The following GALNTL6 variants were observed in gnomAD, a reference collection of about 807,000 sequenced individuals.
GALNTL6 encodes the protein polypeptide N-acetylgalactosaminyltransferase-like 6.
Under a neutral mutation model 73.7 loss-of-function variants are expected in GALNTL6, and 46 were observed. That is an observed-to-expected ratio of 0.62 (90% CI 0.49 to 0.80). The LOEUF (loss-of-function observed/expected upper bound fraction) is 0.80. Ranked by LOEUF, GALNTL6 falls within the 30% of genes least tolerant of loss-of-function variation. The probability of loss-of-function intolerance (pLI) is 0.00; values close to 1 mark genes in which losing one functional copy is unlikely to be tolerated. For missense variants in GALNTL6, 604 were observed against 755.0 expected (o/e 0.80, Z 2.34); for synonymous variants, 259 against 263.7 (o/e 0.98, Z 0.17).
At chr4:172,907,809 A>T (rs1176020879) in intron 8 of GALNTL6, among the ~76,000 whole-genome samples, 1 of 152,102 alleles carries the variant, frequency 6.6e-6, no homozygotes, top group Non-Finnish European at 1.5e-5. Context: ...GCACAATTTC[A>T]TGGGTAGATT....
At chr4:171,942,445 T>C (rs182922126) in intron 2 of GALNTL6, among the ~76,000 whole-genome samples, 47 of 152,250 alleles carry the variant, frequency 3.1e-4, no homozygotes, top group Admixed American at 9.8e-4. Flanking sequence ...CTTTCCATGA[T>C]AGGTCTTATT....
chr4:172,795,369 C>T (rs1468021187), intron 5 of GALNTL6, among the ~76,000 whole-genome samples: 1 of 151,984 alleles, frequency 6.6e-6, no homozygotes, highest in Non-Finnish European at 1.5e-5. Flanking sequence ...AAGAGAGGTG[C>T]TTATGGGCTT....
chr4:172,167,813 G>T, intron 2 of GALNTL6, among the ~76,000 whole-genome samples: 1 of 143,328 alleles, frequency 7.0e-6, no homozygotes, highest in East Asian at 2.0e-4. Context: ...AAAAAAATTA[G>T]CCGGGCGCGG....
intron 2 of GALNTL6, among the ~76,000 whole-genome samples, chr4:172,214,071 A>G (rs1204783197): frequency 6.6e-6 from 1 of 152,066 alleles, no homozygotes; most frequent in African/African-American, 2.4e-5. Context: ...TTCTCCACTG[A>G]CTTGTCTTTG....
intron 2 of GALNTL6, among the ~76,000 whole-genome samples, chr4:172,038,581 A>G (rs1200442369): frequency 2.6e-5 from 4 of 152,194 alleles, no homozygotes; most frequent in Admixed American, 2.6e-4. Flanking sequence ...TCTTTAGTCC[A>G]CAAATTAATA....
chr4:172,234,230 C>T (rs1737167539), intron 3 of GALNTL6, among the ~76,000 whole-genome samples: 1 of 151,942 alleles, frequency 6.6e-6, no homozygotes, highest in East Asian at 1.9e-4. Flanking sequence ...CTATTCTAGA[C>T]CCTATAATTT....
intron 3 of GALNTL6, among the ~76,000 whole-genome samples, chr4:172,261,924 G>A (rs1326557218): frequency 6.6e-6 from 1 of 151,016 alleles, no homozygotes; most frequent in African/African-American, 2.4e-5. Flanking sequence ...CTGCTGTTAT[G>A]TATTTCTTGT....
intron 7 of GALNTL6, among the ~76,000 whole-genome samples, chr4:172,853,716 A>T (rs756821560): frequency 5.9e-5 from 9 of 152,216 alleles, no homozygotes; most frequent in Non-Finnish European, 1.5e-5. Flanking sequence ...CACTGAGGTA[A>T]CATATTTGTA....
intron 3 of GALNTL6, among the ~76,000 whole-genome samples, chr4:172,270,989 C>T (rs1352149669): frequency 6.6e-6 from 1 of 152,024 alleles, no homozygotes; most frequent in Non-Finnish European, 1.5e-5. Flanking sequence ...CTCTACACTA[C>T]TAATATAGAT....
At chr4:172,244,430 T>A (rs1259343165) in intron 3 of GALNTL6, among the ~76,000 whole-genome samples, 1 of 152,174 alleles carries the variant, frequency 6.6e-6, no homozygotes, top group Non-Finnish European at 1.5e-5. Context: ...TAATGCCAGC[T>A]TTTAAACAGA....
intron 5 of GALNTL6, among the ~76,000 whole-genome samples, chr4:172,699,476 G>T (rs998865354): frequency 6.6e-6 from 1 of 152,114 alleles, no homozygotes; most frequent in African/African-American, 2.4e-5. Context: ...GAAGAGAAAT[G>T]AGTTTATTTT....
intron 10 of GALNTL6, among the ~76,000 whole-genome samples, chr4:172,969,430 T>C (rs891192339): frequency 2.6e-5 from 4 of 152,140 alleles, no homozygotes; most frequent in African/African-American, 9.7e-5. Context: ...AAAACTATAA[T>C]TCAAAGAAAC....
intron 8 of GALNTL6, among the ~76,000 whole-genome samples, chr4:172,921,631 C>G (rs985890498): frequency 1.9e-4 from 29 of 151,904 alleles, no homozygotes; most frequent in African/African-American, 6.8e-4. Context: ...CCTGTCTCTA[C>G]TAAAAATACA....
chr4:172,356,353 A>C (rs749792831), intron 5 of GALNTL6, among the ~76,000 whole-genome samples: 1 of 152,186 alleles, frequency 6.6e-6, no homozygotes, highest in Admixed American at 6.5e-5. Flanking sequence ...AGCAAACCTC[A>C]GCATGTGAGC....
chr4:172,235,580 A>T lies in GALNTL6; in HGVS notation c.247+5816A>T, dbSNP rs557166693. ...TGTTCATCTATTTTATTTTTCTCTA[A>T]TTTTTTTCTAACTTTTTAAAAATTT... is the stretch of plus-strand genomic sequence containing the variant. On this transcript the variant is annotated intron_variant, in intron 3 of 12. Coordinates refer to ENST00000506823, the MANE Select transcript of GALNTL6 (RefSeq NM_001034845.3). Among the ~76,000 whole-genome samples, 490 of 151,584 alleles carry T rather than the reference A, an allele frequency of 3.2e-3. 2 individuals carry two copies. Among genetic ancestry groups the T allele is most frequent in the African/African-American group, 0.011 (466 of 41,328 alleles).
chr4:172,592,712 C>CTATCTATG (rs1484288566), intron 5 of GALNTL6, among the ~76,000 whole-genome samples: 3 of 151,884 alleles, frequency 2.0e-5, no homozygotes, highest in Non-Finnish European at 1.5e-5. Flanking sequence ...ATCTATCTAT[C>CTATCTATG]TATCGAGAGA....
At chr4:171,821,395 G>A (rs1421140907) in intron 2 of GALNTL6, among the ~76,000 whole-genome samples, 1 of 151,896 alleles carries the variant, frequency 6.6e-6, no homozygotes, top group Non-Finnish European at 1.5e-5. Context: ...TTGAACTTAA[G>A]GAGAAATATC....
intron 5 of GALNTL6, among the ~76,000 whole-genome samples, chr4:172,734,842 G>A (rs1291636453): frequency 2.6e-5 from 4 of 152,228 alleles, no homozygotes; most frequent in Non-Finnish European, 5.9e-5. Context: ...GCTAAAACGG[G>A]CCAAGGTACA....
At chr4:171,859,651 G>C (rs1735779308) in intron 2 of GALNTL6, among the ~76,000 whole-genome samples, 2 of 152,204 alleles carry the variant, frequency 1.3e-5, no homozygotes, top group South Asian at 2.1e-4. Flanking sequence ...AGATAGTAGA[G>C]TTGCAAAAGG....
Sources: allele counts gnomAD v4.1 joint callset (sites outside exome capture counted in the v4.1 genomes callset), GRCh38; gene constraint gnomAD v4.1.1; transcripts MANE v1.5; gene names NCBI Gene and HGNC (gene_info 2026-07-23, HGNC 2026-07-21).